The following CADM1 variants were observed in gnomAD, a reference collection of about 807,000 sequenced individuals.
CADM1 encodes TSLC-1.
A neutral mutation model predicts 53.1 loss-of-function variants in CADM1; 15 were observed. The ratio of observed to expected loss-of-function variants is 0.28; its 90% CI spans 0.19 to 0.44. The LOEUF is 0.44. CADM1 is among the 20% of genes least tolerant of loss of function. The probability of loss-of-function intolerance (pLI) is 1.00; values close to 1 mark genes in which losing one functional copy is unlikely to be tolerated. For synonymous variants in CADM1, 281 were observed against 243.0 expected, an observed-to-expected ratio of 1.16 and a Z score of -1.45; for missense variants, 434 against 611.3, an observed-to-expected ratio of 0.71 and a Z score of 3.06.
At chr11:115,302,250 T>A in intron 1 of CADM1, among the ~76,000 whole-genome samples, 1 of 152,006 alleles carries the variant, frequency 6.6e-6, no homozygotes, top group African/African-American at 2.4e-5. Context: ...ACAAACCCCC[T>A]TTACACAAGT....
chr11:115,219,466 G>A (rs1486045215), intron 5 of CADM1, among the ~76,000 whole-genome samples: 1 of 152,154 alleles, frequency 6.6e-6, no homozygotes, highest in East Asian at 1.9e-4. Context: ...AATTGGTAGT[G>A]CTTTCTGAGA....
intron 1 of CADM1, among the ~76,000 whole-genome samples, chr11:115,441,981 T>G (rs2135325565): frequency 6.6e-6 from 1 of 152,266 alleles, no homozygotes; most frequent in Admixed American, 6.5e-5. Context: ...CCCAAAATTC[T>G]ATGATGCATT....
At chr11:115,272,683 A>G (rs2135052043) in intron 1 of CADM1, among the ~76,000 whole-genome samples, 1 of 144,888 alleles carries the variant, frequency 6.9e-6, no homozygotes, top group East Asian at 2.1e-4. Context: ...ACTTGAGAAG[A>G]GACCTATTTC....
intron 1 of CADM1, among the ~76,000 whole-genome samples, chr11:115,338,511 T>G (rs945766181): frequency 6.6e-6 from 1 of 152,156 alleles, no homozygotes; most frequent in African/African-American, 2.4e-5. Flanking sequence ...TACCTTGAAT[T>G]TACTGTCTTT....
chr11:115,394,373 T>C (rs564291626), intron 1 of CADM1, among the ~76,000 whole-genome samples: 5 of 152,304 alleles, frequency 3.3e-5, no homozygotes, highest in South Asian at 2.1e-4. Flanking sequence ...GATGCTTGGA[T>C]ACCAACACTT....
intron 1 of CADM1, among the ~76,000 whole-genome samples, chr11:115,478,793 T>C (rs1284885589): frequency 6.6e-6 from 1 of 152,176 alleles, no homozygotes; most frequent in Non-Finnish European, 1.5e-5. Context: ...TTCTACAGTA[T>C]GCTTTTCTTC....
At chr11:115,371,638 ATTT>A (rs11396249) in intron 1 of CADM1, among the ~76,000 whole-genome samples, 5 of 135,404 alleles carry the variant, frequency 3.7e-5, no homozygotes, top group Admixed American at 7.6e-5. Flanking sequence ...GTCAGACTGG[ATTT>A]TTTTTTTTTT....
chr11:115,238,065 C>T (rs1942072601), intron 3 of CADM1, among the ~76,000 whole-genome samples: 2 of 152,034 alleles, frequency 1.3e-5, no homozygotes, highest in South Asian at 4.1e-4. Context: ...AGGAGATCAA[C>T]AATATTAAAA....
chr11:115,228,093 T>C (rs1941681558), intron 5 of CADM1, among the ~76,000 whole-genome samples: 2 of 152,144 alleles, frequency 1.3e-5, no homozygotes, highest in African/African-American at 4.8e-5. Context: ...CATGTGACGA[T>C]GAAGGCAGAG....
intron 5 of CADM1, among the ~76,000 whole-genome samples, chr11:115,224,074 T>C (rs1326003879): frequency 6.6e-6 from 1 of 150,996 alleles, no homozygotes; most frequent in African/African-American, 2.4e-5. Flanking sequence ...GGAAACAGAA[T>C]TGATGAGGGA....
chr11:115,243,935 A>G (rs1203850707), intron 1 of CADM1, among the ~76,000 whole-genome samples: 1 of 152,260 alleles, frequency 6.6e-6, no homozygotes, highest in African/African-American at 2.4e-5. Flanking sequence ...GTTAACAGGA[A>G]GGTGATTTAT....
intron 1 of CADM1, among the ~76,000 whole-genome samples, chr11:115,294,248 C>T (rs755666859): frequency 2.6e-5 from 4 of 152,160 alleles, no homozygotes; most frequent in Non-Finnish European, 5.9e-5. Flanking sequence ...CATGCATTTG[C>T]CAGAGGAGGC....
At position 115,171,628 on chromosome 11, in the gene CADM1, T is replaced by A. The variant is rs1411548868; in HGVS notation, c.*4846A>T. The A allele has an allele frequency of 1.3e-5, 2 of 152,214 alleles. No individual in the cohort carries two copies. Among genetic ancestry groups the A allele is most frequent in the African/African-American group, 2.4e-5 (1 of 41,440 alleles). The allele number at this position is 152,214 out of a possible 1,614,324, so 9.4% of individuals were successfully genotyped here. A position where few individuals can be genotyped will look rare whatever the true frequency, so the allele number is the denominator to read the frequency against. On this transcript the variant is annotated 3_prime_UTR_variant, in exon 12 of 12. Coordinates refer to ENST00000331581, the MANE Select transcript of CADM1 (RefSeq NM_001301043.2). The stretch of plus-strand genomic sequence containing the variant: ...GGCTTCTAGCACCTTCTCATTTGCA[T>A]ACCCTGTGGAGCTCAAAAGGCAAAT...
At chr11:115,266,127 C>G (rs1436566144) in intron 1 of CADM1, among the ~76,000 whole-genome samples, 4 of 152,290 alleles carry the variant, frequency 2.6e-5, no homozygotes, top group South Asian at 4.1e-4. Flanking sequence ...GCAGCCTTAC[C>G]CGCCAGCATT....
At chr11:115,318,396 T>C (rs1944731198) in intron 1 of CADM1, among the ~76,000 whole-genome samples, 1 of 152,170 alleles carries the variant, frequency 6.6e-6, no homozygotes, top group Admixed American at 6.5e-5. Flanking sequence ...TATGCTTAGT[T>C]TCCTCAAGTT....
At chr11:115,289,256 T>G (rs1323137593) in intron 1 of CADM1, among the ~76,000 whole-genome samples, 1 of 151,638 alleles carries the variant, frequency 6.6e-6, no homozygotes, top group African/African-American at 2.4e-5. Context: ...TCCCAGCTAC[T>G]AGGGAGGCTG....
chr11:115,340,850 G>A (rs1238943177), intron 1 of CADM1, among the ~76,000 whole-genome samples: 3 of 149,984 alleles, frequency 2.0e-5, no homozygotes, highest in South Asian at 2.1e-4. Context: ...TAGTAGAGAC[G>A]GGGGTTTCTC....
Position 115,244,654 on chromosome 11 carries a change from G to C in CADM1, c.125-4234C>G, listed in dbSNP as rs147112351. 2.6e-3 allele frequency among the ~76,000 whole-genome samples: 389 copies of C among 152,218 alleles called. 2 individuals carry two copies. The highest frequency in any genetic ancestry group is 8.9e-3 in the African/African-American group (369 of 41,530). On this transcript the variant is annotated intron_variant, in intron 1 of 11. Coordinates refer to ENST00000331581, the MANE Select transcript of CADM1 (RefSeq NM_001301043.2). ...TGAACCCGGTTCTATCAGATTCTCC[G>C]GCCCACACAGCTTGCACTCTTTACC...
chr11:115,385,417 T>A (rs905879102), intron 1 of CADM1, among the ~76,000 whole-genome samples: 2 of 152,082 alleles, frequency 1.3e-5, no homozygotes, highest in Non-Finnish European at 2.9e-5. Context: ...CTCTCAAGAG[T>A]TGAAACAGAC....
Sources: gnomAD v4.1 joint callset for allele counts (sites outside exome capture counted in the v4.1 genomes callset) on GRCh38, gnomAD v4.1.1 for gene constraint, MANE v1.5 for transcripts, NCBI Gene and HGNC (gene_info 2026-07-23, HGNC 2026-07-21) for gene names.